ZNF609: variants seen among roughly 807,000 people sequenced by gnomAD.
ZNF609 encodes zinc finger protein 609.
ZNF609 carries 11 observed loss-of-function variants against 109.5 expected under a neutral mutation model. The ratio of observed to expected loss-of-function variants is 0.10; its 90% CI spans 0.06 to 0.17. The LOEUF (loss-of-function observed/expected upper bound fraction) is 0.17, where lower values mean the gene tolerates loss of function less well. Among genes scored for constraint, ZNF609 ranks in the 10% least tolerant of loss-of-function variants. The pLI is 1.00. For missense variants in ZNF609, 1,559 were observed against 1,772.4 expected, an observed-to-expected ratio of 0.88 and a Z score of 2.16; for synonymous variants, 646 against 662.0, an observed-to-expected ratio of 0.98 and a Z score of 0.37.
At chr15:64,468,739 G>A (rs1893048693) in intron 1 of ZNF609, among the ~76,000 whole-genome samples, 1 of 151,996 alleles carries the variant, frequency 6.6e-6, no homozygotes, top group African/African-American at 2.4e-5. Flanking sequence ...AAAGAATAGA[G>A]GGGAAAAAAT....
chr15:64,685,802 T>G lies in ZNF609; in HGVS notation c.*4116T>G, dbSNP rs2083237314. 1 of 152,582 alleles carries G rather than the reference T, an allele frequency of 6.6e-6. No individual in the cohort carries two copies. Among genetic ancestry groups the G allele is most frequent in the Non-Finnish European group, 1.5e-5 (1 of 68,072 alleles). 9.5% of individuals were successfully genotyped at this position (152,582 alleles called of 1,614,324 possible). ...AGCTCAGTGGATGATTCCCAGCTGG[T>G]GGACTCCTGTGGCTACCCCATCAGA... On this transcript the variant is annotated 3_prime_UTR_variant, in exon 10 of 10. Coordinates refer to ENST00000326648, the MANE Select transcript of ZNF609 (RefSeq NM_015042.2).
At chr15:64,554,754 T>G (rs1203928214) in intron 2 of ZNF609, among the ~76,000 whole-genome samples, 1 of 152,130 alleles carries the variant, frequency 6.6e-6, no homozygotes, top group Admixed American at 6.5e-5. Flanking sequence ...CACTTGATCA[T>G]GATTTATTAA....
chr15:64,472,737 G>A (rs943803849), intron 1 of ZNF609, among the ~76,000 whole-genome samples: 3 of 152,104 alleles, frequency 2.0e-5, no homozygotes, highest in African/African-American at 7.2e-5. Context: ...CACTCCTGTA[G>A]TTCCAGCTAC....
At chr15:64,487,639 A>C (rs1280669030) in intron 1 of ZNF609, among the ~76,000 whole-genome samples, 2 of 148,624 alleles carry the variant, frequency 1.3e-5, no homozygotes, top group African/African-American at 5.0e-5. Flanking sequence ...TTTTTGTTTT[A>C]ATTTTTTTTT....
At chr15:64,610,234 G>A (rs1355194255) in intron 2 of ZNF609, among the ~76,000 whole-genome samples, 1 of 152,002 alleles carries the variant, frequency 6.6e-6, no homozygotes, top group Non-Finnish European at 1.5e-5. Context: ...AATACCACTT[G>A]TTCTCACTTA....
chr15:64,603,667 A>G (rs1016637202), intron 2 of ZNF609, among the ~76,000 whole-genome samples: 2 of 151,996 alleles, frequency 1.3e-5, no homozygotes, highest in African/African-American at 4.8e-5. Context: ...GACTAAAATA[A>G]TCAACTCTTT....
At chr15:64,597,544 G>A (rs776733197) in intron 2 of ZNF609, among the ~76,000 whole-genome samples, 3 of 152,198 alleles carry the variant, frequency 2.0e-5, no homozygotes, top group Non-Finnish European at 2.9e-5. Flanking sequence ...TTGATAAGCA[G>A]CAGCGGCAGT....
At chr15:64,537,897 T>C (rs1894181478) in intron 2 of ZNF609, among the ~76,000 whole-genome samples, 1 of 152,042 alleles carries the variant, frequency 6.6e-6, no homozygotes, top group Non-Finnish European at 1.5e-5. Context: ...GGCCAGGAGT[T>C]GGAGACCAGC....
chr15:64,546,250 T>C (rs1894358096), intron 2 of ZNF609, among the ~76,000 whole-genome samples: 1 of 152,128 alleles, frequency 6.6e-6, no homozygotes, highest in Admixed American at 6.6e-5. Context: ...TTTTAATTTT[T>C]CTTTTTTGCT....
At chr15:64,528,814 G>A in intron 2 of ZNF609, 1 of 831,972 alleles carries the variant, frequency 1.2e-6, no homozygotes, top group Non-Finnish European at 2.0e-6. Context: ...GGGTGTTGCT[G>A]TTGAAGTCGA....
chr15:64,616,740 C>T (rs535647455), intron 2 of ZNF609, among the ~76,000 whole-genome samples: 59 of 146,236 alleles, frequency 4.0e-4, no homozygotes, highest in East Asian at 4.2e-4. Flanking sequence ...AGGATGGTCT[C>T]GATCTCCTGA....
intron 2 of ZNF609, among the ~76,000 whole-genome samples, chr15:64,514,025 G>A (rs368139556): frequency 1.3e-5 from 2 of 151,056 alleles, no homozygotes; most frequent in South Asian, 4.2e-4. Context: ...CCGGGAGGTC[G>A]AGGCTGCAGT....
Position 64,604,729 on chromosome 15 carries a change from G to A in ZNF609, c.748-18098G>A, listed in dbSNP as rs536563149. ...AATGGAGTTTATTAGTTTAGGCAGGGTTTCAAATAATCCCATCAGGATTCT... is the reference window on the plus strand; with the variant it reads ...AATGGAGTTTATTAGTTTAGGCAGGATTTCAAATAATCCCATCAGGATTCT... On this transcript the variant is annotated intron_variant, in intron 2 of 9. Coordinates refer to ENST00000326648, the MANE Select transcript of ZNF609 (RefSeq NM_015042.2). Among the ~76,000 whole-genome samples the A allele has an allele frequency of 3.9e-5, 6 of 152,214 alleles. No individual in the cohort carries two copies. The South Asian group carries it at 1.2e-3, about 32-fold the overall frequency.
intron 2 of ZNF609, chr15:64,501,841 C>T (rs1170929145): frequency 5.3e-5 from 8 of 152,156 alleles, no homozygotes; most frequent in African/African-American, 1.7e-4. Context: ...TATTGCTTAG[C>T]TTTATGTTGG....
chr15:64,563,882 G>A (rs982651150), intron 2 of ZNF609, among the ~76,000 whole-genome samples: 15 of 152,018 alleles, frequency 9.9e-5, no homozygotes, highest in African/African-American at 2.7e-4. Flanking sequence ...CGCCGTGCCC[G>A]GCCTATTTAT....
chr15:64,599,365 T>C (rs1301427218), intron 2 of ZNF609, among the ~76,000 whole-genome samples: 1 of 152,156 alleles, frequency 6.6e-6, no homozygotes, highest in Non-Finnish European at 1.5e-5. Flanking sequence ...GAGATGTTTG[T>C]CTGTTTGTTC....
intron 2 of ZNF609, among the ~76,000 whole-genome samples, chr15:64,604,933 G>A (rs965126152): frequency 9.9e-5 from 15 of 151,940 alleles, no homozygotes; most frequent in Admixed American, 9.9e-4. Flanking sequence ...CCACCTTCAC[G>A]CCATTCTCCT....
intron 3 of ZNF609, among the ~76,000 whole-genome samples, chr15:64,646,036 T>C (rs1292829080): frequency 6.6e-6 from 1 of 152,194 alleles, no homozygotes; most frequent in East Asian, 1.9e-4. Context: ...CCTAGGTATA[T>C]ACTTAAAAGA....
At chr15:64,612,862 A>G (rs920923964) in intron 2 of ZNF609, among the ~76,000 whole-genome samples, 2 of 152,006 alleles carry the variant, frequency 1.3e-5, no homozygotes. Flanking sequence ...TAAAAATACA[A>G]AAATTAGCCA....
Sources: allele counts gnomAD v4.1 joint callset (sites outside exome capture counted in the v4.1 genomes callset), GRCh38; gene constraint gnomAD v4.1.1; transcripts MANE v1.5; gene names NCBI Gene and HGNC (gene_info 2026-07-23, HGNC 2026-07-21).